PLD1: variants seen among roughly 807,000 people sequenced by gnomAD.
PLD1 encodes the protein choline phosphatase 1.
PLD1 carries 112 observed loss-of-function variants against 137.1 expected under a neutral mutation model. The observed-to-expected ratio is 0.82, with a 90% CI of 0.70 to 0.96. The LOEUF is 0.96. Ranked by LOEUF, PLD1 falls within the 40% of genes least tolerant of loss-of-function variation. PLD1 has a pLI of 0.00. For missense variants in PLD1, 1,321 were observed against 1,342.0 expected, an observed-to-expected ratio of 0.98 and a Z score of 0.24; for synonymous variants, 431 against 454.7, an observed-to-expected ratio of 0.95 and a Z score of 0.66.
intron 11 of PLD1, among the ~76,000 whole-genome samples, chr3:171,705,964 C>T (rs1716649883): frequency 6.6e-6 from 1 of 152,098 alleles, no homozygotes; most frequent in East Asian, 1.9e-4. Context: ...AGAGACCATA[C>T]ATGATTTGAA....
At chr3:171,661,889 T>G (rs1489922095) in intron 20 of PLD1, among the ~76,000 whole-genome samples, 171 bp downstream of exon 20, 1 of 152,206 alleles carries the variant, frequency 6.6e-6, no homozygotes, top group Non-Finnish European at 1.5e-5. Context: ...GTTCCAGGTA[T>G]GCTTGGGAGG....
At chr3:171,643,478 G>T (rs1267158866) in intron 22 of PLD1, among the ~76,000 whole-genome samples, 1 of 151,712 alleles carries the variant, frequency 6.6e-6, no homozygotes, top group Non-Finnish European at 1.5e-5. Context: ...TGCTCTATGA[G>T]AGTAATAAAG....
chr3:171,760,054 T>C (rs1386346595), intron 1 of PLD1, among the ~76,000 whole-genome samples: 1 of 152,184 alleles, frequency 6.6e-6, no homozygotes, highest in African/African-American at 2.4e-5. Flanking sequence ...GTCATGCAAA[T>C]AATGAAAGGA....
intron 1 of PLD1, among the ~76,000 whole-genome samples, chr3:171,753,259 T>C (rs1481570790): frequency 6.6e-6 from 1 of 152,206 alleles, no homozygotes; most frequent in African/African-American, 2.4e-5. Flanking sequence ...GGAACAGAGA[T>C]ATTCTCAGGA....
At chr3:171,623,455 C>T (rs2108303311) in intron 23 of PLD1, among the ~76,000 whole-genome samples, 2 of 148,768 alleles carry the variant, frequency 1.3e-5, no homozygotes, top group South Asian at 2.2e-4. Flanking sequence ...GCTGGGACTA[C>T]AGGCGCCCAC....
chr3:171,615,242 TA>T (rs1280444028), intron 24 of PLD1, among the ~76,000 whole-genome samples: 1 of 152,184 alleles, frequency 6.6e-6, no homozygotes, highest in Non-Finnish European at 1.5e-5. Context: ...CTGTTAACAA[TA>T]GTAGGTGCTT....
intron 19 of PLD1, among the ~76,000 whole-genome samples, chr3:171,669,143 C>T (rs1039426598): frequency 3.3e-5 from 5 of 152,128 alleles, no homozygotes; most frequent in Non-Finnish European, 4.4e-5. Context: ...TACTGCCTGC[C>T]GTAGCTCCCC....
intron 1 of PLD1, among the ~76,000 whole-genome samples, chr3:171,798,743 A>G (rs894904163): frequency 1.2e-4 from 19 of 152,182 alleles, no homozygotes; most frequent in African/African-American, 4.3e-4. Context: ...AAAACTCTTC[A>G]GGTCTGTCTA....
intron 21 of PLD1, among the ~76,000 whole-genome samples, chr3:171,648,734 T>C (rs1736478744): frequency 6.6e-6 from 1 of 152,150 alleles, no homozygotes; most frequent in Non-Finnish European, 1.5e-5. Flanking sequence ...TTTTGTATTT[T>C]TAGCAGAGAC....
At chr3:171,695,487 A>G (rs1715600133) in intron 12 of PLD1, among the ~76,000 whole-genome samples, 1 of 152,230 alleles carries the variant, frequency 6.6e-6, no homozygotes, top group South Asian at 2.1e-4. Flanking sequence ...CTTTTAAAAG[A>G]TGAAAGTTCT....
At position 171,733,516 on chromosome 3, in the gene PLD1, T is replaced by A. The variant is rs369749222; in HGVS notation, c.541-7A>T. 2.6e-6 allele frequency: 3 copies of A among 1,143,738 alleles called. No homozygotes were observed. The African/African-American group carries it at 4.6e-5, about 18-fold the overall frequency. 70.8% of individuals were successfully genotyped at this position (1,143,738 alleles called of 1,614,324 possible). A position where few individuals can be genotyped will look rare whatever the true frequency, so the allele number is the denominator to read the frequency against. On this transcript the variant is annotated splice_region_variant and splice_polypyrimidine_tract_variant and intron_variant, in intron 5 of 26. Coordinates refer to ENST00000351298, the MANE Select transcript of PLD1 (RefSeq NM_002662.5). ...AGTAATCTTCCAGTTGTTTCTGTAA[T>A]GCAAATATTTTAGATAAGTGTTAAC...
chr3:171,625,210 A>C (rs7616376), intron 23 of PLD1, among the ~76,000 whole-genome samples: 12,050 of 152,258 alleles, frequency 0.079, 1,350 homozygotes, highest in African/African-American at 0.25. Context: ...TATCCCGCAC[A>C]TGGCTTGGAG....
At chr3:171,670,824 T>G (rs1578233300) in intron 19 of PLD1, among the ~76,000 whole-genome samples, 1 of 152,344 alleles carries the variant, frequency 6.6e-6, no homozygotes, top group African/African-American at 2.4e-5. Flanking sequence ...CTATTTCTAT[T>G]TAGTGATAAG....
chr3:171,715,961 G>T (rs553189452), intron 8 of PLD1, among the ~76,000 whole-genome samples: 1 of 143,402 alleles, frequency 7.0e-6, no homozygotes, highest in South Asian at 2.3e-4. Context: ...TGTTGTTGCC[G>T]TCTTTGTGTC....
chr3:171,735,687 C>T, intron 3 of PLD1, 50 bp from the exon 4 acceptor site: 1 of 1,100,420 alleles, frequency 9.1e-7, no homozygotes. Context: ...AACAAAAATT[C>T]CAAAAGCTTT....
intron 21 of PLD1, chr3:171,654,351 T>C: frequency 3.5e-6 from 1 of 288,702 alleles, no homozygotes; most frequent in Non-Finnish European, 6.7e-6. Flanking sequence ...ATGTTCAAAA[T>C]TGTTGTTTTA....
At chr3:171,706,113 C>T (rs992741247) in intron 11 of PLD1, among the ~76,000 whole-genome samples, 3 of 141,124 alleles carry the variant, frequency 2.1e-5, no homozygotes, top group South Asian at 4.8e-4. Flanking sequence ...AAACCAACAC[C>T]GGGTCAGTCA....
At chr3:171,801,765 C>G (rs564873684) in intron 1 of PLD1, among the ~76,000 whole-genome samples, 16 of 152,294 alleles carry the variant, frequency 1.1e-4, no homozygotes, top group Admixed American at 8.5e-4. Context: ...TACACATTTC[C>G]CTAGTCCCCA....
chr3:171,715,717 C>T (rs1429922535), intron 8 of PLD1, among the ~76,000 whole-genome samples: 2 of 152,002 alleles, frequency 1.3e-5, no homozygotes, highest in Non-Finnish European at 2.9e-5. Context: ...TTCATAAAAA[C>T]TCCTCTGATT....
Sources: allele counts gnomAD v4.1 joint callset (sites outside exome capture counted in the v4.1 genomes callset), GRCh38; gene constraint gnomAD v4.1.1; transcripts MANE v1.5; gene names NCBI Gene and HGNC (gene_info 2026-07-23, HGNC 2026-07-21).